Variants in CFAP54 observed in about 807,000 individuals in gnomAD.
The protein encoded by CFAP54 is cilia and flagella associated protein 54, also known as cilia- and flagella-associated protein 54.
CFAP54 carries 290 observed loss-of-function variants against 370.4 expected under a neutral mutation model. That is an observed-to-expected ratio of 0.78 (90% CI 0.71 to 0.86). CFAP54 has a LOEUF of 0.86. CFAP54 is among the 40% of genes least tolerant of loss of function. The pLI is 0.00. For synonymous variants in CFAP54, 1,206 were observed against 1,236.5 expected, an observed-to-expected ratio of 0.98 and a Z score of 0.52; for missense variants, 3,399 against 3,528.7, an observed-to-expected ratio of 0.96 and a Z score of 0.93.
chr12:96,616,134 T>C (rs536991427), intron 26 of CFAP54, among the ~76,000 whole-genome samples: 2 of 152,086 alleles, frequency 1.3e-5, no homozygotes, highest in African/African-American at 2.4e-5. Context: ...CAATGATAGA[T>C]TGGATTAAGA....
chr12:96,504,203 G>A (rs1447278898), intron 3 of CFAP54, among the ~76,000 whole-genome samples, 174 bp downstream of exon 3: 2 of 152,200 alleles, frequency 1.3e-5, no homozygotes, highest in Non-Finnish European at 2.9e-5. Context: ...ATCAAGCTTT[G>A]TAAGGATGCT....
chr12:96,699,855 C>A, intron 45 of CFAP54, 116 bp from the exon 46 acceptor site: 1 of 821,668 alleles, frequency 1.2e-6, no homozygotes, highest in Non-Finnish European at 1.9e-6. Flanking sequence ...TAATGCATTA[C>A]CAACATTAAG....
chr12:96,490,675 G>T (rs1475170704), intron 1 of CFAP54, among the ~76,000 whole-genome samples: 1 of 151,826 alleles, frequency 6.6e-6, no homozygotes, highest in Non-Finnish European at 1.5e-5. Context: ...CTGGGCGACA[G>T]AGCAAGACTC....
intron 60 of CFAP54, among the ~76,000 whole-genome samples, chr12:96,776,201 GT>G (rs2136684172): frequency 6.6e-6 from 1 of 152,044 alleles, no homozygotes; most frequent in South Asian, 2.1e-4. Flanking sequence ...AATCAATGAT[GT>G]TAAGAAATTA....
intron 6 of CFAP54, among the ~76,000 whole-genome samples, chr12:96,519,876 T>C (rs1371453251): frequency 6.6e-6 from 1 of 152,214 alleles, no homozygotes; most frequent in African/African-American, 2.4e-5. Context: ...CTCAAAAACT[T>C]CTATCTGTTG....
chr12:96,558,769 A>C (rs546338024), intron 17 of CFAP54, among the ~76,000 whole-genome samples: 1 of 152,204 alleles, frequency 6.6e-6, no homozygotes, highest in Non-Finnish European at 1.5e-5. Flanking sequence ...TCAAACTATA[A>C]AACTACTCCA....
At chr12:96,742,679 T>C in intron 52 of CFAP54, 93 bp downstream of exon 52, 1 of 1,241,152 alleles carries the variant, frequency 8.1e-7, no homozygotes, top group Non-Finnish European at 1.1e-6. Flanking sequence ...ATGTTAATGT[T>C]TTATAACTTT....
intron 39 of CFAP54, among the ~76,000 whole-genome samples, chr12:96,669,568 C>T (rs77247388): frequency 0.11 from 17,256 of 152,166 alleles, 1,288 homozygotes; most frequent in Middle Eastern, 0.22. Flanking sequence ...TCCACACTGG[C>T]TGGAGGTGGC....
At chr12:96,552,005 T>C (rs1183444695) in intron 15 of CFAP54, among the ~76,000 whole-genome samples, 4 of 151,932 alleles carry the variant, frequency 2.6e-5, no homozygotes, top group African/African-American at 9.7e-5. Flanking sequence ...CCAGCACTTT[T>C]GGAGGCCAAG....
At chr12:96,774,363 A>G (rs991790749) in intron 60 of CFAP54, among the ~76,000 whole-genome samples, 1 of 152,168 alleles carries the variant, frequency 6.6e-6, no homozygotes, top group Admixed American at 6.5e-5. Flanking sequence ...TAGTTAGAAA[A>G]GTCCTCCCTA....
Position 96,598,675 on chromosome 12 carries a change from G to A in CFAP54, c.3547G>A (p.Gly1183Arg). 1 of 671,638 alleles carries A rather than the reference G, an allele frequency of 1.5e-6. No homozygotes were observed. Among genetic ancestry groups the A allele is most frequent in the African/African-American group, 1.8e-5 (1 of 56,476 alleles). 41.6% of individuals were successfully genotyped at this position (671,638 alleles called of 1,614,324 possible). The change falls in exon 26 of 68, where the codon GGA becomes AGA. Residue 1183 changes from glycine (G) to arginine (R), a missense_variant. Around this residue, in one of 3 missense-constraint regions of CFAP54, gnomAD observed 2,796 missense variants for 2,869.7 expected, o/e 0.97. Transcript: ENST00000524981. Reference protein sequence around the residue: ...ILIKCIVVLQGLPSIVCSKKH... With the variant: ...ILIKCIVVLQRLPSIVCSKKH... ...GATAAAGTGTATAGTGGTTTTGCAA[G>A]GACTACCAAGTATTGTCTGCTCGAA... is the stretch of plus-strand genomic sequence containing the variant.
At chr12:96,701,078 C>G (rs955386887) in intron 46 of CFAP54, among the ~76,000 whole-genome samples, 1 of 152,146 alleles carries the variant, frequency 6.6e-6, no homozygotes, top group African/African-American at 2.4e-5. Context: ...GGGGATGAGG[C>G]TATCCACAGA....
chr12:96,857,767 G>A (rs754418475), intron 66 of CFAP54, among the ~76,000 whole-genome samples: 6 of 152,126 alleles, frequency 3.9e-5, no homozygotes, highest in Non-Finnish European at 7.4e-5. Context: ...CCCACCCCGC[G>A]AAGAGGGTGC....
At chr12:96,725,383 G>A (rs1248714451) in intron 50 of CFAP54, among the ~76,000 whole-genome samples, 1 of 152,036 alleles carries the variant, frequency 6.6e-6, no homozygotes, top group South Asian at 2.1e-4. Context: ...CCTTGAAGAG[G>A]TCCTTCACGT....
At position 96,625,809 on chromosome 12, in the gene CFAP54, T is replaced by C. The variant is rs1176228888; in HGVS notation, c.3976+2T>C. ...CGGTCAAAGGTGCCGTGAAAGAAGG[T>C]AGGTGAACTGGATGTGTATATGCTG... On this transcript the variant is annotated splice_donor_variant, in intron 29 of 67. Transcript: ENST00000524981. LOFTEE classifies it high-confidence loss of function. The C allele has an allele frequency of 1.3e-6, 2 of 1,530,258 alleles. No individual in the cohort carries two copies. The highest frequency in any genetic ancestry group is 1.4e-5 in the African/African-American group (1 of 73,024). The allele number at this position is 1,530,258 out of a possible 1,614,324, so 94.8% of individuals were successfully genotyped here.
At chr12:96,631,992 A>T (rs1432594457) in intron 32 of CFAP54, among the ~76,000 whole-genome samples, 1 of 151,654 alleles carries the variant, frequency 6.6e-6, no homozygotes, top group African/African-American at 2.4e-5. Flanking sequence ...CTGTTATTCA[A>T]GGTCTTCACC....
chr12:96,657,912 C>A lies in CFAP54; in HGVS notation c.5131C>A (p.Pro1711Thr). 6.2e-7 allele frequency: 1 copy of A among 1,612,852 alleles called. No homozygotes were observed. The highest frequency in any genetic ancestry group is 1.1e-5 in the South Asian group (1 of 90,880). ...TGAAGACAAAGGAGAATTCAGTGTT[C>A]CAAGCTGTTATGGGAATATTAAAAA... is the stretch of plus-strand genomic sequence containing the variant. The part of the protein sequence containing the change: ...PIEDKGEFSV[P>T]SCYGNIKNDN... The change falls in exon 37 of 68, where the codon CCA becomes ACA. Residue 1711 changes from proline to threonine, a missense_variant. Coordinates refer to ENST00000524981, the MANE Select transcript of CFAP54 (RefSeq NM_001306084.2).
intron 14 of CFAP54, among the ~76,000 whole-genome samples, chr12:96,542,044 TG>T (rs1435591994): frequency 1.3e-5 from 2 of 151,934 alleles, no homozygotes; most frequent in African/African-American, 4.8e-5. Context: ...TTTCATGGGG[TG>T]GGGAATAATG....
intron 65 of CFAP54, among the ~76,000 whole-genome samples, chr12:96,823,547 T>G (rs1355797490): frequency 1.3e-5 from 2 of 152,164 alleles, no homozygotes; most frequent in African/African-American, 4.8e-5. Flanking sequence ...ACAGGGTGAA[T>G]GTAGTGGGAG....
Sources: allele counts gnomAD v4.1 joint callset (sites outside exome capture counted in the v4.1 genomes callset), GRCh38; gene constraint gnomAD v4.1.1; regional missense constraint gnomAD v4.1.1; transcripts MANE v1.5; gene names NCBI Gene and HGNC (gene_info 2026-07-23, HGNC 2026-07-21).